Variants in MXD4 observed in about 807,000 individuals in gnomAD.
MXD4 encodes Mad4 homolog.
A neutral mutation model predicts 24.5 loss-of-function variants in MXD4; 16 were observed. The observed-to-expected ratio is 0.65, with a 90% CI of 0.44 to 0.99. The LOEUF (loss-of-function observed/expected upper bound fraction) is 0.99, where lower values mean the gene tolerates loss of function less well. Ranked by LOEUF, MXD4 falls within the 50% of genes least tolerant of loss-of-function variation. The probability of loss-of-function intolerance (pLI) is 0.00; values close to 1 mark genes in which losing one functional copy is unlikely to be tolerated. For synonymous variants in MXD4, 164 were observed against 134.2 expected, an observed-to-expected ratio of 1.22 and a Z score of -1.54; for missense variants, 301 against 301.5, an observed-to-expected ratio of 1.00 and a Z score of 0.01.
chr4:2,250,540 G>A lies in MXD4; in HGVS notation c.*4C>T, dbSNP rs779760109. 2.0e-5 allele frequency: 32 copies of A among 1,573,330 alleles called. No individual in the cohort carries two copies. Among genetic ancestry groups the A allele is most frequent in the East Asian group, 7.0e-5 (3 of 42,678 alleles). ...AGGCAGGCCAAGGAGCAGAGGGCAC[G>A]GGCCTACGAGAGGGCGGGGCGGCCC... On this transcript the variant is annotated 3_prime_UTR_variant, in exon 6 of 6. Transcript: ENST00000337190.
intron 3 of MXD4, chr4:2,253,396 C>T (rs1249235400): frequency 2.0e-5 from 3 of 152,202 alleles, no homozygotes; most frequent in Non-Finnish European, 4.4e-5. Context: ...TGCAGGGCAC[C>T]CGGAGGTTTT....
chr4:2,258,266 G>A (rs73083193), intron 2 of MXD4, among the ~76,000 whole-genome samples: 2,725 of 152,282 alleles, frequency 0.018, 78 homozygotes, highest in African/African-American at 0.061. Flanking sequence ...TCACGCCCTG[G>A]AGTTCTCCAT....
intron 2 of MXD4, among the ~76,000 whole-genome samples, chr4:2,259,461 T>C (rs985169398): frequency 1.3e-5 from 2 of 152,156 alleles, no homozygotes; most frequent in African/African-American, 4.8e-5. Flanking sequence ...CGTTTCTGCT[T>C]CCCCAGAATA....
chr4:2,261,972 C>G lies in MXD4; in HGVS notation c.9G>C (p.Leu3=). Residue 3 remains leucine, a synonymous_variant, in exon 1 of 6, where the codon CTG becomes CTC. Transcript: ENST00000337190. ...CCTCCAGCAGGATCAGCAGGGAGTT[C>G]AGCTCCATCCTCCCGCCCGCGCCCG... ME[L]NSLLILLEAA... is the part of the protein sequence containing the mutation. 1 of 1,381,106 alleles carries G rather than the reference C, an allele frequency of 7.2e-7. No individual in the cohort carries two copies. The highest frequency in any genetic ancestry group is 9.5e-7 in the Non-Finnish European group (1 of 1,058,196). 85.6% of individuals were successfully genotyped at this position (1,381,106 alleles called of 1,614,324 possible).
In MXD4 at chr4:2,252,701, C is replaced by G. The variant is rs940475764; in HGVS notation, c.195-179G>C. 1.8e-4 allele frequency: 99 copies of G among 562,542 alleles called. No individual in the cohort carries two copies. The African/African-American group carries it at 1.8e-3, about 10-fold the overall frequency. The allele number at this position is 562,542 out of a possible 1,614,324, so 34.8% of individuals were successfully genotyped here. On this transcript the variant is annotated intron_variant, in intron 3 of 5. Coordinates refer to ENST00000337190, the MANE Select transcript of MXD4 (RefSeq NM_006454.3). ...CCGTCCCCCACCCCCAGGAGGAGCC[C>G]AACACCCACAGCCCCCAGACACCTG...
Position 2,251,235 on chromosome 4 carries a change from CTCCT to C in MXD4, c.317_320del (p.Glu106GlyfsTer7). ...TGATGCTCAGTGCCCGGCGGTCCTG[CTCCT>C]CCAGTTTCTGGGGTCGAGGGGGGCT... On this transcript the variant is annotated frameshift_variant, in exon 5 of 6. Coordinates refer to ENST00000337190, the MANE Select transcript of MXD4 (RefSeq NM_006454.3). LOFTEE classifies it high-confidence loss of function. The C allele has an allele frequency of 6.3e-7, 1 of 1,598,998 alleles. No individual in the cohort carries two copies.
intron 1 of MXD4, 26 bp from the exon 2 acceptor site, chr4:2,261,850 GCCCCCGCCCGGCACGGCC>G (rs1735555133): frequency 2.9e-6 from 4 of 1,358,366 alleles, no homozygotes; most frequent in Non-Finnish European, 3.8e-6. Context: ...GCGGTCAGCG[GCCCCCGCCCGGCACGGCC>G]CCGCCGCCCG....
chr4:2,260,676 G>A, intron 2 of MXD4: 2 of 430,324 alleles, frequency 4.6e-6, no homozygotes, highest in South Asian at 1.6e-5. Flanking sequence ...AGGGCAGCTG[G>A]AGACTCAACC....
intron 3 of MXD4, among the ~76,000 whole-genome samples, chr4:2,255,894 G>A (rs771359078): frequency 1.4e-4 from 21 of 152,150 alleles, no homozygotes; most frequent in African/African-American, 3.1e-4. Context: ...CCTGGCTGCC[G>A]CTGCCGGGGA....
Position 2,250,625 on chromosome 4 carries a change from G to C in MXD4, c.549C>G (p.His183Gln). Residue 183 changes from histidine to glutamine, a missense_variant, in exon 6 of 6, where the codon CAC becomes CAG. Coordinates refer to ENST00000337190, the MANE Select transcript of MXD4 (RefSeq NM_006454.3). ...SVGSSSDADD[H>Q]YSLQSGTGGD... ...CGCCGGTGCCACTCTGCAGGCTGTA[G>C]TGGTCGTCCGCGTCACTGCTGCTGC... 1 of 1,613,446 alleles carries C rather than the reference G, an allele frequency of 6.2e-7. No homozygotes were observed. Among genetic ancestry groups the C allele is most frequent in the Non-Finnish European group, 8.5e-7 (1 of 1,179,954 alleles).
Position 2,251,249 on chromosome 4 carries a change from G to A in MXD4, c.310-3C>T. The A allele has an allele frequency of 2.5e-6, 4 of 1,585,330 alleles. No homozygotes were observed. The highest frequency in any genetic ancestry group is 3.4e-6 in the Non-Finnish European group (4 of 1,161,812). Reference sequence around the variant, plus strand: ...CGGCGGTCCTGCTCCTCCAGTTTCTGGGGTCGAGGGGGGCTGTGAGCTCAC... The same window carrying A: ...CGGCGGTCCTGCTCCTCCAGTTTCTAGGGTCGAGGGGGGCTGTGAGCTCAC... On this transcript the variant is annotated splice_region_variant and splice_polypyrimidine_tract_variant and intron_variant, in intron 4 of 5. Coordinates refer to ENST00000337190, the MANE Select transcript of MXD4 (RefSeq NM_006454.3).
In MXD4 at chr4:2,261,712, C is replaced by G; in HGVS notation, c.164+13G>C. The G allele has an allele frequency of 1.5e-6, 2 of 1,335,810 alleles. No homozygotes were observed. Among genetic ancestry groups the G allele is most frequent in the Non-Finnish European group, 1.9e-6 (2 of 1,032,054 alleles). 82.7% of individuals were successfully genotyped at this position (1,335,810 alleles called of 1,614,324 possible). ...GGACCGGGCCGGGCGGGGTCGGGAG[C>G]GGGGGGCGGTACCTGTTGTTCGGGG... On this transcript the variant is annotated intron_variant, in intron 2 of 5. Coordinates refer to ENST00000337190, the MANE Select transcript of MXD4 (RefSeq NM_006454.3).
intron 3 of MXD4, chr4:2,255,449 C>T (rs1443369179): frequency 4.4e-6 from 2 of 452,944 alleles, no homozygotes; most frequent in East Asian, 1.4e-4. Flanking sequence ...GGCGCCAGGG[C>T]TGGAGGCCAC....
rs1735559719 is a variant in MXD4 at position 2,262,025 on chromosome 4, CCCGGCCCGCT to C, written c.-55_-46del. The C allele has an allele frequency of 9.2e-7, 1 of 1,090,758 alleles. No individual in the cohort carries two copies. The highest frequency in any genetic ancestry group is 1.1e-6 in the Non-Finnish European group (1 of 892,094). The allele number at this position is 1,090,758 out of a possible 1,614,324, so 67.6% of individuals were successfully genotyped here. Reference sequence around the variant, plus strand: ...CGCCCCGGGACGGCGGCGGCCGCTGCCCGGCCCGCTCCGGCCGGCTCCGCTCGCCGCCCAC... The same window carrying C: ...CGCCCCGGGACGGCGGCGGCCGCTGCCCGGCCGGCTCCGCTCGCCGCCCAC... On this transcript the variant is annotated 5_prime_UTR_variant, in exon 1 of 6. Transcript: ENST00000337190.
intron 2 of MXD4, among the ~76,000 whole-genome samples, chr4:2,258,605 C>T (rs911800577): frequency 1.3e-5 from 2 of 152,208 alleles, no homozygotes; most frequent in African/African-American, 4.8e-5. Context: ...ACCAGGCCCT[C>T]AGGACACAGG....
intron 2 of MXD4, chr4:2,260,427 G>T (rs762699952): frequency 4.9e-5 from 19 of 390,916 alleles, no homozygotes; most frequent in African/African-American, 3.9e-4. Context: ...GGCAGTGTTC[G>T]GGCAGCCTTG....
chr4:2,259,912 G>A (rs1359155131), intron 2 of MXD4, among the ~76,000 whole-genome samples: 3 of 152,090 alleles, frequency 2.0e-5, no homozygotes, highest in African/African-American at 4.8e-5. Context: ...ACTGTCCTCC[G>A]GCCCCACTCC....
chr4:2,252,592 C>A, intron 3 of MXD4, 70 bp from the exon 4 acceptor site: 1 of 1,006,030 alleles, frequency 9.9e-7, no homozygotes, highest in Non-Finnish European at 1.5e-6. Flanking sequence ...CAGGGCCCTG[C>A]ACAGACCCAC....
At chr4:2,255,284 G>A (rs1305837706) in intron 3 of MXD4, 12 of 455,888 alleles carry the variant, frequency 2.6e-5, no homozygotes, top group Non-Finnish European at 4.4e-5. Flanking sequence ...TGAGTGCCTG[G>A]GATGCGGTCT....
Sources: gnomAD v4.1 joint callset for allele counts (sites outside exome capture counted in the v4.1 genomes callset) on GRCh38, gnomAD v4.1.1 for gene constraint, MANE v1.5 for transcripts, NCBI Gene and HGNC (gene_info 2026-07-23, HGNC 2026-07-21) for gene names.